LPCAT1: variants seen among roughly 807,000 people sequenced by gnomAD.
The protein encoded by LPCAT1 is lysophosphatidylcholine acyltransferase 1.
A neutral mutation model predicts 60.9 loss-of-function variants in LPCAT1; 23 were observed. That is an observed-to-expected ratio of 0.38 (90% CI 0.27 to 0.53). The LOEUF (loss-of-function observed/expected upper bound fraction) is 0.53, where lower values mean the gene tolerates loss of function less well. Among genes scored for constraint, LPCAT1 ranks in the 20% least tolerant of loss-of-function variants. The pLI is 0.82. For synonymous variants in LPCAT1, 340 were observed against 301.1 expected (o/e 1.13, Z -1.34); for missense variants, 622 against 723.6 (o/e 0.86, Z 1.61).
intron 1 of LPCAT1, among the ~76,000 whole-genome samples, chr5:1,507,156 A>C (rs1166985305): frequency 6.6e-6 from 1 of 152,122 alleles, no homozygotes; most frequent in Non-Finnish European, 1.5e-5. Context: ...TGGTCACCAT[A>C]GGTCAGGCCT....
intron 1 of LPCAT1, among the ~76,000 whole-genome samples, chr5:1,514,000 G>C (rs1348863130): frequency 6.6e-6 from 1 of 152,266 alleles, no homozygotes; most frequent in Non-Finnish European, 1.5e-5. Context: ...TTCCTCAGAA[G>C]GCAGCTTTCA....
Position 1,523,928 on chromosome 5 carries a change from C to G in LPCAT1, c.-84G>C, listed in dbSNP as rs1463553749. The stretch of plus-strand genomic sequence containing the variant: ...GGCTAGCTGGGCGCGGGTCTCGGGG[C>G]GCGGGCCGAGGATGCGCGGCGGCTG... On this transcript the variant is annotated 5_prime_UTR_variant, in exon 1 of 14. Coordinates refer to ENST00000283415, the MANE Select transcript of LPCAT1 (RefSeq NM_024830.5). The surrounding 1 kb of genome is among the most constrained non-coding windows in gnomAD (Gnocchi z 7.1). The G allele has an allele frequency of 1.1e-6, 1 of 942,042 alleles. No homozygotes were observed. The highest frequency in any genetic ancestry group is 1.3e-6 in the Non-Finnish European group (1 of 788,498). The allele number at this position is 942,042 out of a possible 1,614,324, so 58.4% of individuals were successfully genotyped here. A position where few individuals can be genotyped will look rare whatever the true frequency, so the allele number is the denominator to read the frequency against.
chr5:1,475,776 G>A (rs28656928), intron 9 of LPCAT1, among the ~76,000 whole-genome samples: 1,852 of 97,906 alleles, frequency 0.019, 47 homozygotes, highest in Non-Finnish European at 0.027. Context: ...AGGAGTCCGA[G>A]GCTGCTTCTC....
Position 1,521,070 on chromosome 5 carries a change from C to A in LPCAT1, c.135+2640G>T, listed in dbSNP as rs1736659824. 6.6e-6 allele frequency among the ~76,000 whole-genome samples: 1 copy of A among 152,052 alleles called. No homozygotes were observed. Among genetic ancestry groups the A allele is most frequent in the African/African-American group, 2.4e-5 (1 of 41,382 alleles). On this transcript the variant is annotated intron_variant, in intron 1 of 13. Coordinates refer to ENST00000283415, the MANE Select transcript of LPCAT1 (RefSeq NM_024830.5). This position sits in a 1 kb window ranked among gnomAD's most constrained non-coding sequence, Gnocchi z 4.3. ...AGCTGAACTCACTAAGATCCTGTAC[C>A]ATACCATTTACCGCTCTCTACTAAA...
In LPCAT1 at chr5:1,461,707, CAA is replaced by C. The variant is rs1734101100; in HGVS notation, c.*1942_*1943del. The C allele has an allele frequency of 1.3e-5, 2 of 152,918 alleles. No homozygotes were observed. Among genetic ancestry groups the C allele is most frequent in the South Asian group, 4.1e-4 (2 of 4,832 alleles). 9.5% of individuals were successfully genotyped at this position (152,918 alleles called of 1,614,324 possible). On this transcript the variant is annotated 3_prime_UTR_variant, in exon 14 of 14. Coordinates refer to ENST00000283415, the MANE Select transcript of LPCAT1 (RefSeq NM_024830.5). ...GAATCAGGAGGAACAAACATCCATT[CAA>C]AGTCTGTTTATCAGAGATTTTTTTT...
In LPCAT1 at chr5:1,517,161, G is replaced by A. The variant is rs59736916; in HGVS notation, c.135+6549C>T. ...ACTGGAAATGCTGGAAACAGTAACC[G>A]GGAATGGTAAGCATGCCCCAGCACC... On this transcript the variant is annotated intron_variant, in intron 1 of 13. Coordinates refer to ENST00000283415, the MANE Select transcript of LPCAT1 (RefSeq NM_024830.5). 7.0e-3 allele frequency among the ~76,000 whole-genome samples: 1,066 copies of A among 152,296 alleles called. 13 individuals are homozygous for A. Among genetic ancestry groups the A allele is most frequent in the African/African-American group, 0.024 (1,001 of 41,552 alleles).
In LPCAT1 at chr5:1,477,799, T is replaced by C. The variant is rs939953124; in HGVS notation, c.817-313A>G. ...CTCCTGGGAGCGCCTGCTGCCTACA[T>C]CAGAACATCTGGCTCTCTGATCTAC... On this transcript the variant is annotated intron_variant, in intron 8 of 13. Transcript: ENST00000283415. The surrounding 1 kb of genome is among the most constrained non-coding windows in gnomAD (Gnocchi z 6.0). Among the ~76,000 whole-genome samples, 1 of 110,694 alleles carries C rather than the reference T, an allele frequency of 9.0e-6. No individual in the cohort carries two copies. The highest frequency in any genetic ancestry group is 1.9e-5 in the Non-Finnish European group (1 of 51,988). 72.6% of individuals were successfully genotyped at this position (110,694 alleles called of 152,430 possible). A position where few individuals can be genotyped will look rare whatever the true frequency, so the allele number is the denominator to read the frequency against.
intron 4 of LPCAT1, 98 bp downstream of exon 4, chr5:1,489,648 G>T: frequency 1.1e-6 from 1 of 913,398 alleles, no homozygotes; most frequent in Non-Finnish European, 1.8e-6. Context: ...TCAGAATCCA[G>T]CCCCGGAGGA....
chr5:1,500,649 G>C (rs1307677623), intron 2 of LPCAT1, among the ~76,000 whole-genome samples: 1 of 152,274 alleles, frequency 6.6e-6, no homozygotes, highest in Non-Finnish European at 1.5e-5. Context: ...CCAGTTGCTG[G>C]CCCTGGGGAG....
At chr5:1,514,749 C>A (rs1334343839) in intron 1 of LPCAT1, among the ~76,000 whole-genome samples, 1 of 152,164 alleles carries the variant, frequency 6.6e-6, no homozygotes, top group Non-Finnish European at 1.5e-5. Context: ...GAGAAGCAGG[C>A]TCCTGGGATC....
intron 12 of LPCAT1, 104 bp from the exon 13 acceptor site, chr5:1,466,994 TGGGCACCTGCA>T: frequency 8.0e-7 from 1 of 1,253,224 alleles, no homozygotes; most frequent in Non-Finnish European, 1.0e-6. Context: ...TCAGAGCTGC[TGGGCACCTGCA>T]GGGCCGGCGG....
intron 12 of LPCAT1, among the ~76,000 whole-genome samples, chr5:1,468,907 C>G (rs746921176): frequency 5.3e-5 from 8 of 152,228 alleles, no homozygotes; most frequent in Non-Finnish European, 1.2e-4. Context: ...CGTGGAAGCC[C>G]TTCCTGCTAC....
chr5:1,478,114 T>G (rs543498831), intron 8 of LPCAT1, among the ~76,000 whole-genome samples: 1 of 152,408 alleles, frequency 6.6e-6, no homozygotes, highest in East Asian at 1.9e-4. Flanking sequence ...GAACAGATTA[T>G]TGGCAGCGTT....
chr5:1,479,785 T>G (rs570584082), intron 7 of LPCAT1, 110 bp from the exon 8 acceptor site: 1 of 829,662 alleles, frequency 1.2e-6, no homozygotes, highest in East Asian at 2.7e-5. Context: ...AGGGCGCTAC[T>G]GGGCAGTCAA....
intron 1 of LPCAT1, among the ~76,000 whole-genome samples, chr5:1,505,584 T>C (rs952772241): frequency 6.6e-6 from 1 of 152,226 alleles, no homozygotes; most frequent in African/African-American, 2.4e-5. Context: ...AGGCTGCTGG[T>C]TCCTTAGCAC....
rs1043164145 is a variant in LPCAT1 at position 1,496,524 on chromosome 5, C to T, written c.279-1610G>A. Among the ~76,000 whole-genome samples the T allele has an allele frequency of 1.3e-5, 2 of 151,806 alleles. No individual in the cohort carries two copies. Among genetic ancestry groups the T allele is most frequent in the South Asian group, 4.2e-4 (2 of 4,804 alleles). The stretch of plus-strand genomic sequence containing the variant: ...GGGAGAAGCGAGGCTGCAGAGGAGG[C>T]TGCGGCGGGCACAGGAGCCAGTCTC... On this transcript the variant is annotated intron_variant, in intron 2 of 13. Transcript: ENST00000283415. The surrounding 1 kb of genome is among the most constrained non-coding windows in gnomAD (Gnocchi z 4.7).
At chr5:1,519,708 C>T (rs1368914180) in intron 1 of LPCAT1, among the ~76,000 whole-genome samples, 1 of 152,214 alleles carries the variant, frequency 6.6e-6, no homozygotes, top group East Asian at 1.9e-4. Flanking sequence ...GAGGCGAGGA[C>T]ACGGGAAAAT....
In LPCAT1 at chr5:1,462,014, CT is replaced by C. The variant is rs1734116650; in HGVS notation, c.*1636del. 1 of 152,474 alleles carries C rather than the reference CT, an allele frequency of 6.6e-6. No individual in the cohort carries two copies. The highest frequency in any genetic ancestry group is 1.5e-5 in the Non-Finnish European group (1 of 68,048). The allele number at this position is 152,474 out of a possible 1,614,324, so 9.4% of individuals were successfully genotyped here. On this transcript the variant is annotated 3_prime_UTR_variant, in exon 14 of 14. Coordinates refer to ENST00000283415, the MANE Select transcript of LPCAT1 (RefSeq NM_024830.5). ...GTTTACTCCATCCCTGTCTGTCCTGCTGGCAGTGTCCATGCTAAAAAACAAG... is the reference window on the plus strand; with the variant it reads ...GTTTACTCCATCCCTGTCTGTCCTGCGGCAGTGTCCATGCTAAAAAACAAG...
intron 1 of LPCAT1, among the ~76,000 whole-genome samples, chr5:1,514,402 C>T (rs1436709602): frequency 6.6e-6 from 1 of 152,194 alleles, no homozygotes; most frequent in Non-Finnish European, 1.5e-5. Context: ...CAAACGCTCG[C>T]GGTGAAAGGC....
Sources: gnomAD v4.1 joint callset for allele counts (sites outside exome capture counted in the v4.1 genomes callset) on GRCh38, gnomAD v4.1.1 for gene constraint, Gnocchi (gnomAD v3.1) non-coding constraint, MANE v1.5 for transcripts, NCBI Gene and HGNC (gene_info 2026-07-23, HGNC 2026-07-21) for gene names.